The following RPH3AL variants were observed in gnomAD, a reference collection of about 807,000 sequenced individuals.
RPH3AL encodes rabphilin 3A like (without C2 domains).
In RPH3AL, 38 loss-of-function variants were observed where a neutral mutation model predicts 43.1. That is an observed-to-expected ratio of 0.88 (90% CI 0.68 to 1.15). The LOEUF (loss-of-function observed/expected upper bound fraction) is 1.15, where lower values mean the gene tolerates loss of function less well. Ranked by LOEUF, RPH3AL falls within the 50% of genes most tolerant of loss-of-function variation. RPH3AL has a pLI of 0.00. For synonymous variants in RPH3AL, 189 were observed against 176.3 expected, an observed-to-expected ratio of 1.07 and a Z score of -0.57; for missense variants, 462 against 423.2, an observed-to-expected ratio of 1.09 and a Z score of -0.81.
At chr17:265,509 C>T (rs189898196) in intron 6 of RPH3AL, among the ~76,000 whole-genome samples, 27 of 152,280 alleles carry the variant, frequency 1.8e-4, no homozygotes, top group Admixed American at 7.2e-4. Context: ...CTAGGAAAAA[C>T]GTTCGTCATC....
chr17:229,960 T>A (rs946942930), intron 7 of RPH3AL, among the ~76,000 whole-genome samples: 1 of 151,784 alleles, frequency 6.6e-6, no homozygotes, highest in Non-Finnish European at 1.5e-5. Flanking sequence ...AGATATGGGG[T>A]GTGCTTCTGG....
chr17:227,268 C>T (rs935518789), intron 7 of RPH3AL, among the ~76,000 whole-genome samples: 2 of 152,240 alleles, frequency 1.3e-5, no homozygotes, highest in African/African-American at 4.8e-5. Flanking sequence ...CCCCTGCTCA[C>T]TCTTGGCTGG....
chr17:244,381 G>A (rs150223634), intron 7 of RPH3AL, among the ~76,000 whole-genome samples: 1 of 152,026 alleles, frequency 6.6e-6, no homozygotes, highest in Admixed American at 6.6e-5. Flanking sequence ...ACAGGTGCAT[G>A]AGCCTAAGAG....
At chr17:306,969 C>G (rs1040405994) in intron 5 of RPH3AL, among the ~76,000 whole-genome samples, 2 of 152,196 alleles carry the variant, frequency 1.3e-5, no homozygotes, top group African/African-American at 4.8e-5. Context: ...TCCTGAAGTG[C>G]CCTCTCCTGG....
At chr17:241,360 C>T (rs529531112) in intron 7 of RPH3AL, among the ~76,000 whole-genome samples, 2 of 152,278 alleles carry the variant, frequency 1.3e-5, no homozygotes, top group South Asian at 2.1e-4. Flanking sequence ...TGTGCCACGG[C>T]ACTCCATCCT....
chr17:261,295 C>G (rs563888476), intron 6 of RPH3AL, among the ~76,000 whole-genome samples: 9 of 152,286 alleles, frequency 5.9e-5, no homozygotes, highest in Admixed American at 5.9e-4. Flanking sequence ...TTAGATGAGG[C>G]CATGAGGGTG....
chr17:315,491 T>C (rs2043978146), intron 5 of RPH3AL, among the ~76,000 whole-genome samples: 1 of 149,088 alleles, frequency 6.7e-6, no homozygotes, highest in African/African-American at 2.5e-5. Context: ...CATTGACCTG[T>C]AGTCCCTGTG....
At chr17:342,742 G>C (rs912640359) in intron 1 of RPH3AL, among the ~76,000 whole-genome samples, 7 of 152,204 alleles carry the variant, frequency 4.6e-5, no homozygotes, top group African/African-American at 1.7e-4. Context: ...TCTGTATGTG[G>C]TGATGATTGG....
intron 8 of RPH3AL, among the ~76,000 whole-genome samples, chr17:219,168 C>T (rs1329574503): frequency 2.1e-5 from 3 of 140,674 alleles, no homozygotes; most frequent in Non-Finnish European, 3.0e-5. Context: ...CACTCTGTCC[C>T]TGGGGCTTTG....
chr17:214,119 G>GC (rs2040735690), intron 9 of RPH3AL, among the ~76,000 whole-genome samples, 196 bp from the exon 10 acceptor site: 1 of 152,208 alleles, frequency 6.6e-6, no homozygotes, highest in South Asian at 2.1e-4. Context: ...AAAGTCACCT[G>GC]CCCCTCTGGG....
intron 5 of RPH3AL, among the ~76,000 whole-genome samples, chr17:288,785 C>CCT (rs533373704): frequency 9.5e-5 from 1 of 10,534 alleles, no homozygotes; most frequent in African/African-American, 2.3e-4. Flanking sequence ...GACCTCGCAC[C>CCT]CTCTCTCCAC....
chr17:242,107 A>G (rs1392150581), intron 7 of RPH3AL, among the ~76,000 whole-genome samples: 1 of 152,106 alleles, frequency 6.6e-6, no homozygotes, highest in African/African-American at 2.4e-5. Flanking sequence ...GCAGAGCAAG[A>G]CTGTCTCAAT....
At chr17:324,702 G>GCTAGCTATCTATCTAT (rs1301592247) in intron 3 of RPH3AL, among the ~76,000 whole-genome samples, 124 of 119,918 alleles carry the variant, frequency 1.0e-3, no homozygotes, top group Non-Finnish European at 1.6e-3. Flanking sequence ...TAGCTAGCTA[G>GCTAGCTATCTATCTAT]CTATGTACCT....
At chr17:272,461 T>C (rs1413897798) in intron 6 of RPH3AL, among the ~76,000 whole-genome samples, 3 of 151,468 alleles carry the variant, frequency 2.0e-5, no homozygotes, top group Non-Finnish European at 2.9e-5. Context: ...TGTAGGGACA[T>C]GGATGAAGCT....
chr17:268,757 T>G (rs1294723259), intron 6 of RPH3AL, among the ~76,000 whole-genome samples: 2 of 151,838 alleles, frequency 1.3e-5, no homozygotes, highest in Non-Finnish European at 2.9e-5. Flanking sequence ...TAGTGACAGG[T>G]TTCGCCATGT....
chr17:275,923 G>A (rs1470123741), intron 6 of RPH3AL, among the ~76,000 whole-genome samples: 4 of 152,220 alleles, frequency 2.6e-5, no homozygotes, highest in Non-Finnish European at 4.4e-5. Context: ...AACCAGGCGA[G>A]GGACTAGAGT....
chr17:308,173 C>T (rs1567634894), intron 5 of RPH3AL, among the ~76,000 whole-genome samples: 2 of 152,208 alleles, frequency 1.3e-5, no homozygotes, highest in Non-Finnish European at 2.9e-5. Flanking sequence ...AATTTGCAGG[C>T]GACTGAGATG....
chr17:242,674 G>T (rs1421728159), intron 7 of RPH3AL, among the ~76,000 whole-genome samples: 1 of 127,806 alleles, frequency 7.8e-6, no homozygotes, highest in African/African-American at 2.9e-5. Context: ...TTCCTCTATT[G>T]ACTACCTTCC....
intron 2 of RPH3AL, chr17:331,487 C>A: frequency 9.1e-7 from 1 of 1,094,956 alleles, no homozygotes; most frequent in South Asian, 1.5e-5. Flanking sequence ...CTGTGCACCC[C>A]CACCCTGGCC....
Sources: gnomAD v4.1 joint callset for allele counts (sites outside exome capture counted in the v4.1 genomes callset) on GRCh38, gnomAD v4.1.1 for gene constraint, MANE v1.5 for transcripts, NCBI Gene and HGNC (gene_info 2026-07-23, HGNC 2026-07-21) for gene names.